Variants in DSP observed in about 807,000 individuals in gnomAD.
DSP encodes the protein 250/210 kDa paraneoplastic pemphigus antigen.
In DSP, 114 loss-of-function variants were observed where a neutral mutation model predicts 290.6. That is an observed-to-expected ratio of 0.39 (90% confidence interval 0.34 to 0.46). DSP has a LOEUF of 0.46. Ranked by LOEUF, DSP falls within the 20% of genes least tolerant of loss-of-function variation. The probability of loss-of-function intolerance (pLI) is 0.99; values close to 1 mark genes in which losing one functional copy is unlikely to be tolerated. For missense variants in DSP, 3,230 were observed against 3,495.8 expected, an observed-to-expected ratio of 0.92 and a Z score of 1.92; for synonymous variants, 1,311 against 1,316.4, an observed-to-expected ratio of 1.00 and a Z score of 0.09.
intron 18 of DSP, 75 bp from the exon 19 acceptor site, chr6:7,576,219 A>G: frequency 6.6e-7 from 1 of 1,525,538 alleles, no homozygotes; most frequent in Non-Finnish European, 9.0e-7. Context: ...TATCAAGTGA[A>G]TTTCTGGGTG....
intron 5 of DSP, 89 bp downstream of exon 5, chr6:7,562,869 A>T: frequency 6.4e-7 from 1 of 1,572,296 alleles, no homozygotes. Context: ...CTTCTGAAAC[A>T]TTGCTATTAT....
rs778178956 is a variant in DSP, at chr6:7,580,055, C to T, written c.3865C>T (p.Gln1289Ter). Residue 1289 changes from glutamine (Q) to a stop codon, truncating the protein, a stop_gained, in exon 23 of 24, where the codon CAG becomes TAG. Coordinates refer to ENST00000379802, the MANE Select transcript of DSP (RefSeq NM_004415.4). LOFTEE classifies it high-confidence loss of function. The surrounding 1 kb of genome is among the most constrained non-coding windows in gnomAD (Gnocchi z 4.2). The part of the protein sequence containing the change: ...ACGSEIMQKK[Q>*]HLEIELKQVM... ...TGGCTCTGAGATAATGCAGAAGAAG[C>T]AGCATCTGGAGATAGAACTGAAGCA... 1.2e-6 allele frequency: 2 copies of T among 1,613,962 alleles called. No homozygotes were observed. Among genetic ancestry groups the T allele is most frequent in the African/African-American group, 2.7e-5 (2 of 74,866 alleles).
At chr6:7,576,590 C>T in intron 19 of DSP, 134 bp downstream of exon 19, 1 of 1,155,058 alleles carries the variant, frequency 8.7e-7, no homozygotes, top group Admixed American at 2.0e-5. Context: ...TTTGTGAAGG[C>T]TTAAAGAATG....
At chr6:7,566,841 C>T (rs941180276) in intron 8 of DSP, among the ~76,000 whole-genome samples, 7 of 152,200 alleles carry the variant, frequency 4.6e-5, no homozygotes, top group Admixed American at 1.3e-4. Context: ...GACCGCTGCC[C>T]TAGACTGCCA....
chr6:7,582,520 AG>A lies in DSP; in HGVS notation c.5380-121del, dbSNP rs1759469583. On this transcript the variant is annotated intron_variant, in intron 23 of 23. Transcript: ENST00000379802. The surrounding 1 kb of genome is among the most constrained non-coding windows in gnomAD (Gnocchi z 4.2). Reference sequence around the variant, plus strand: ...CAGTGTATCCAGGGACAATATAGAAAGAAAAAATAAGCAAGGCTTTTTTTTT... The same window carrying A: ...CAGTGTATCCAGGGACAATATAGAAAAAAAAATAAGCAAGGCTTTTTTTTT... The A allele has an allele frequency of 2.1e-6, 2 of 930,650 alleles. No homozygotes were observed. The highest frequency in any genetic ancestry group is 5.2e-5 in the Admixed American group (2 of 38,562). 57.6% of individuals were successfully genotyped at this position (930,650 alleles called of 1,614,324 possible). A position where few individuals can be genotyped will look rare whatever the true frequency, so the allele number is the denominator to read the frequency against.
intron 2 of DSP, among the ~76,000 whole-genome samples, chr6:7,556,482 C>T (rs573739473): frequency 6.6e-6 from 1 of 152,148 alleles, no homozygotes; most frequent in Admixed American, 6.5e-5. Context: ...ATGGTGGGGC[C>T]GTAGCCATCT....
intron 1 of DSP, among the ~76,000 whole-genome samples, chr6:7,546,607 G>A (rs776147422): frequency 3.3e-5 from 5 of 152,188 alleles, no homozygotes; most frequent in African/African-American, 4.8e-5. Flanking sequence ...ATACCACAAT[G>A]ACGCAAGAGA....
rs1759532747 is a variant in DSP at position 7,583,699 on chromosome 6, A to G, written c.6437A>G (p.Asp2146Gly). The G allele has an allele frequency of 1.2e-6, 2 of 1,614,016 alleles. No individual in the cohort carries two copies. The highest frequency in any genetic ancestry group is 1.3e-5 in the African/African-American group (1 of 74,904). Reference sequence around the variant, plus strand: ...GTGAACAGTGTCTTTTTGCCAAAAGATGTCGCCTTGGCCCGGGGGCTGATT... The same window carrying G: ...GTGAACAGTGTCTTTTTGCCAAAAGGTGTCGCCTTGGCCCGGGGGCTGATT... ...DPVNSVFLPK[D>G]VALARGLIDR... The change falls in exon 24 of 24, where the codon GAT (aspartate) becomes GGT (glycine). Residue 2146 changes from aspartate (D) to glycine (G), a missense_variant. This residue lies in a region of DSP where 1,714 missense variants were observed against 1,844.5 expected (regional missense o/e 0.93). Transcript: ENST00000379802. This position sits in a 1 kb window ranked among gnomAD's most constrained non-coding sequence, Gnocchi z 4.0.
Position 7,559,738 on chromosome 6 carries a change from A to G in DSP, c.597+338A>G, listed in dbSNP as rs1758623181. Among the ~76,000 whole-genome samples the G allele has an allele frequency of 2.0e-5, 3 of 152,318 alleles. No individual in the cohort carries two copies. In the South Asian group the frequency reaches 6.2e-4, roughly 32 times the overall value. Reference sequence around the variant, plus strand: ...TCTGTTGTGGGAGTTTATGTGCTAAATAACTTCATTGTTCTATGTGAGTGG... The same window carrying G: ...TCTGTTGTGGGAGTTTATGTGCTAAGTAACTTCATTGTTCTATGTGAGTGG... On this transcript the variant is annotated intron_variant, in intron 4 of 23. Transcript: ENST00000379802.
Position 7,586,027 on chromosome 6 carries a change from A to G in DSP, c.*149A>G. On this transcript the variant is annotated 3_prime_UTR_variant, in exon 24 of 24. Transcript: ENST00000379802. The stretch of plus-strand genomic sequence containing the variant: ...AATATAGCCATGATTGAAATCAAAT[A>G]GTAAAGGCTGTTCTGGCTTTTTATC... 1 of 829,578 alleles carries G rather than the reference A, an allele frequency of 1.2e-6. No homozygotes were observed. 51.4% of individuals were successfully genotyped at this position (829,578 alleles called of 1,614,324 possible).
rs794728132 is a variant in DSP, at chr6:7,584,572, A to G, written c.7310A>G (p.Glu2437Gly). 55 of 1,613,934 alleles carry G rather than the reference A, an allele frequency of 3.4e-5. No homozygotes were observed. The highest frequency in any genetic ancestry group is 4.4e-5 in the Non-Finnish European group (52 of 1,179,954). ...LQLKERCIKD[E>G]ETGLCLLPLK... ...CTAAAAGAAAGATGCATTAAGGATG[A>G]GGAAACAGGGCTCTGTCTTCTGCCT... is the stretch of plus-strand genomic sequence containing the variant. Residue 2437 changes from glutamate (E) to glycine (G), a missense_variant, in exon 24 of 24, where the codon GAG (glutamate) becomes GGG (glycine). By Grantham distance (98) the Glu-to-Gly change is moderately conservative. Around this residue, in one of 5 missense-constraint regions of DSP, gnomAD observed 582 missense variants for 555.4 expected, o/e 1.05. Coordinates refer to ENST00000379802, the MANE Select transcript of DSP (RefSeq NM_004415.4). The surrounding 1 kb of genome is among the most constrained non-coding windows in gnomAD (Gnocchi z 6.4).
At chr6:7,569,112 T>G (rs2113675167) in intron 11 of DSP, 74 bp from the exon 12 acceptor site, 1 of 1,602,540 alleles carries the variant, frequency 6.2e-7, no homozygotes, top group Non-Finnish European at 8.5e-7. Context: ...TCATCTCTGT[T>G]TCCATCATTG....
rs115088795 is a variant in DSP at position 7,575,609 on chromosome 6, G to A, written c.2630+121G>A. ...GTTTTGTTTTTTGTGTAAGTTAGGCGTAACAGATGCTCTTTTCATGGACTG... is the reference window on the plus strand; with the variant it reads ...GTTTTGTTTTTTGTGTAAGTTAGGCATAACAGATGCTCTTTTCATGGACTG... On this transcript the variant is annotated intron_variant, in intron 18 of 23. Transcript: ENST00000379802. 7.2e-4 allele frequency: 846 copies of A among 1,179,224 alleles called. 6 individuals are homozygous for A. In the African/African-American group the frequency reaches 8.7e-3, roughly 12 times the overall value. 73.0% of individuals were successfully genotyped at this position (1,179,224 alleles called of 1,614,324 possible). A position where few individuals can be genotyped will look rare whatever the true frequency, so the allele number is the denominator to read the frequency against.
intron 23 of DSP, among the ~76,000 whole-genome samples, chr6:7,581,939 T>C (rs1298921032): frequency 6.6e-6 from 1 of 152,170 alleles, no homozygotes; most frequent in Non-Finnish European, 1.5e-5. Context: ...ATAGAAGCCA[T>C]ACTAAAGTGT....
At chr6:7,567,676 C>A in intron 9 of DSP, 105 bp from the exon 10 acceptor site, 1 of 1,561,100 alleles carries the variant, frequency 6.4e-7, no homozygotes, top group Non-Finnish European at 8.8e-7. Flanking sequence ...CCTTTAGCCA[C>A]CTGTCAAAGA....
chr6:7,550,222 T>TG (rs750095861), intron 1 of DSP, among the ~76,000 whole-genome samples: 1 of 151,352 alleles, frequency 6.6e-6, no homozygotes, highest in Non-Finnish European at 1.5e-5. Context: ...TGTTTTGTTT[T>TG]TGTTTTTTTT....
At chr6:7,553,710 A>G (rs1758406075) in intron 1 of DSP, among the ~76,000 whole-genome samples, 1 of 152,140 alleles carries the variant, frequency 6.6e-6, no homozygotes, top group Non-Finnish European at 1.5e-5. Context: ...TTTCCTGTAT[A>G]ATTCGGAGTG....
In DSP at chr6:7,558,205, C is replaced by T. The variant is rs748204541; in HGVS notation, c.363C>T (p.Leu121=). The change falls in exon 3 of 24, where the codon CTC becomes CTT. Residue 121 remains leucine (L), a synonymous_variant. Transcript: ENST00000379802. ...FAQANDQMEI[L]DSLIREMRQM... ...AGGCCAATGACCAAATGGAAATCCTCGACAGCTTGATCAGAGAGATGCGGC... is the reference window on the plus strand; with the variant it reads ...AGGCCAATGACCAAATGGAAATCCTTGACAGCTTGATCAGAGAGATGCGGC... The T allele has an allele frequency of 2.8e-5, 45 of 1,614,070 alleles. No individual in the cohort carries two copies. Among genetic ancestry groups the T allele is most frequent in the East Asian group, 1.1e-4 (5 of 44,894 alleles).
intron 6 of DSP, among the ~76,000 whole-genome samples, chr6:7,564,688 C>T (rs544912727): frequency 4.1e-4 from 63 of 152,176 alleles, no homozygotes; most frequent in Non-Finnish European, 8.2e-4. Flanking sequence ...TTGTAATGTT[C>T]CCAACACACA....
Sources: gnomAD v4.1 joint callset for allele counts (sites outside exome capture counted in the v4.1 genomes callset) on GRCh38, gnomAD v4.1.1 for gene constraint, gnomAD v4.1.1 regional missense constraint, Gnocchi (gnomAD v3.1) non-coding constraint, MANE v1.5 for transcripts, NCBI Gene and HGNC (gene_info 2026-07-23, HGNC 2026-07-21) for gene names.